WDR27: variants seen among roughly 807,000 people sequenced by gnomAD.
WDR27 encodes the protein WD repeat-containing protein 27.
In WDR27, 100 loss-of-function variants were observed where a neutral mutation model predicts 114.4. The observed-to-expected ratio is 0.87, with a 90% CI of 0.74 to 1.03. WDR27 has a LOEUF of 1.03. Ranked by LOEUF, WDR27 falls within the 50% of genes least tolerant of loss-of-function variation. WDR27 has a pLI of 0.00. For synonymous variants in WDR27, 449 were observed against 423.1 expected (o/e 1.06, Z -0.75); for missense variants, 1,129 against 1,092.9 (o/e 1.03, Z -0.47).
chr6:169,624,290 G>A (rs781041918), intron 21 of WDR27, among the ~76,000 whole-genome samples: 8 of 152,066 alleles, frequency 5.3e-5, no homozygotes, highest in South Asian at 2.1e-4. Context: ...GGTGTGTGGC[G>A]TCAGGTGTGT....
chr6:169,658,297 C>G lies in WDR27; in HGVS notation c.1381G>C (p.Ala461Pro). 2 of 1,601,698 alleles carry G rather than the reference C, an allele frequency of 1.2e-6. No individual in the cohort carries two copies. Among genetic ancestry groups the G allele is most frequent in the Non-Finnish European group, 1.7e-6 (2 of 1,174,454 alleles). The change falls in exon 13 of 26, where the codon GCT becomes CCT. Residue 461 changes from alanine to proline, a missense_variant. Physicochemically the swap from Ala to Pro is conservative, Grantham distance 27 (BLOSUM62 -1). Coordinates refer to ENST00000448612, the MANE Select transcript of WDR27 (RefSeq NM_182552.5). ...LGIAKEKSTK[A>P]ASEQRRAARN... is the part of the protein sequence containing the mutation. ...TGACCACGTCGCTGTTCACTAGCAG[C>G]CTTGGTACTCTTCTCCTTGGCAATT...
intron 25 of WDR27, among the ~76,000 whole-genome samples, chr6:169,477,045 T>C (rs1787275907): frequency 6.6e-6 from 1 of 152,240 alleles, no homozygotes; most frequent in Non-Finnish European, 1.5e-5. Context: ...CTAGATTTCA[T>C]TTTAAATCCT....
chr6:169,506,234 T>A (rs905565675), intron 25 of WDR27, among the ~76,000 whole-genome samples: 24 of 152,232 alleles, frequency 1.6e-4, no homozygotes, highest in African/African-American at 5.8e-4. Context: ...AAAATTGGCA[T>A]AAACATCACA....
rs899591878 is a variant in WDR27 at position 169,673,470 on chromosome 6, A to G, written c.190-1074T>C. Reference sequence around the variant, plus strand: ...CACACACACATATACATATACACACAGAGAGACACACATTTTGAAGGCATC... The same window carrying G: ...CACACACACATATACATATACACACGGAGAGACACACATTTTGAAGGCATC... On this transcript the variant is annotated intron_variant, in intron 2 of 25. Coordinates refer to ENST00000448612, the MANE Select transcript of WDR27 (RefSeq NM_182552.5). 2.6e-5 allele frequency among the ~76,000 whole-genome samples: 4 copies of G among 152,170 alleles called. No homozygotes were observed. In the East Asian group the frequency reaches 7.7e-4, roughly 29 times the overall value.
chr6:169,563,576 C>T (rs1347697541), intron 25 of WDR27, among the ~76,000 whole-genome samples: 3 of 152,174 alleles, frequency 2.0e-5, no homozygotes, highest in East Asian at 1.9e-4. Context: ...AAGGAGGCTG[C>T]GTGGAACTGT....
chr6:169,673,712 G>C lies in WDR27; in HGVS notation c.190-1316C>G, dbSNP rs1585080468. On this transcript the variant is annotated intron_variant, in intron 2 of 25. Coordinates refer to ENST00000448612, the MANE Select transcript of WDR27 (RefSeq NM_182552.5). ...GTGTAATTAAATGAGTCATCCTCAG[G>C]GACACAAACAGAACTATCATATTGG... Among the ~76,000 whole-genome samples, 4 of 151,930 alleles carry C rather than the reference G, an allele frequency of 2.6e-5. No individual in the cohort carries two copies. The South Asian group carries it at 8.3e-4, about 32-fold the overall frequency.
intron 17 of WDR27, among the ~76,000 whole-genome samples, chr6:169,639,045 G>C (rs1017044143): frequency 6.9e-6 from 1 of 145,124 alleles, no homozygotes; most frequent in Non-Finnish European, 1.5e-5. Flanking sequence ...GCGTGGTGCT[G>C]GGTACTGTGT....
Position 169,660,667 on chromosome 6 carries a change from G to T in WDR27, c.1125C>A (p.Tyr375Ter), listed in dbSNP as rs755469838. The change falls in exon 10 of 26, where the codon TAC (tyrosine) becomes TAA (stop). Residue 375 changes from tyrosine (Y) to a stop codon, truncating the protein, a stop_gained. Coordinates refer to ENST00000448612, the MANE Select transcript of WDR27 (RefSeq NM_182552.5). LOFTEE classifies it high-confidence loss of function. ...ANLEVEAALY[Y>*]KDFQSLSILL... is the part of the protein sequence containing the mutation. ...CGTTGAAATCAAAGATCTTACCCTT[G>T]TAATACAAAGCAGCTTCCACTTCCA... 1.2e-5 allele frequency: 20 copies of T among 1,612,672 alleles called. No individual in the cohort carries two copies. Among genetic ancestry groups the T allele is most frequent in the Non-Finnish European group, 1.7e-5 (20 of 1,178,870 alleles).
At chr6:169,626,998 C>T (rs1815023174) in intron 21 of WDR27, among the ~76,000 whole-genome samples, 1 of 152,176 alleles carries the variant, frequency 6.6e-6, no homozygotes, top group African/African-American at 2.4e-5. Context: ...GCACATTTCT[C>T]ATTTCCTGGT....
At chr6:169,652,484 T>C (rs1212478655) in intron 13 of WDR27, among the ~76,000 whole-genome samples, 1 of 152,214 alleles carries the variant, frequency 6.6e-6, no homozygotes. Context: ...CCTGACCTCG[T>C]GATCCACCTG....
At chr6:169,431,228 A>C in the WDR27 span, among the ~76,000 whole-genome samples, 77 of 152,334 alleles carry the variant, frequency 5.1e-4, 1 homozygote, top group South Asian at 1.7e-3. Context: ...CATTGGATAT[A>C]TCAAAGACTG....
chr6:169,491,797 A>T (rs1789801512), intron 25 of WDR27, among the ~76,000 whole-genome samples: 2 of 152,194 alleles, frequency 1.3e-5, no homozygotes, highest in Non-Finnish European at 2.9e-5. Context: ...ACATGGCTAG[A>T]TGTCTAGAAC....
At chr6:169,530,559 A>T (rs1247848388) in intron 25 of WDR27, among the ~76,000 whole-genome samples, 1 of 152,222 alleles carries the variant, frequency 6.6e-6, no homozygotes, top group African/African-American at 2.4e-5. Flanking sequence ...CCTCAACTGT[A>T]TGAAAGCATG....
intron 12 of WDR27, 140 bp from the exon 13 acceptor site, chr6:169,658,498 CTG>C (rs1298726265): frequency 3.1e-6 from 2 of 655,714 alleles, no homozygotes; most frequent in Non-Finnish European, 5.4e-6. Flanking sequence ...AAAATGAAAA[CTG>C]TCAAGTGTAT....
intron 24 of WDR27, among the ~76,000 whole-genome samples, chr6:169,572,790 A>C (rs1436345300): frequency 6.6e-6 from 1 of 152,208 alleles, no homozygotes. Context: ...TCTCAGTAAT[A>C]CTACTTGTTG....
At chr6:169,577,312 G>A (rs1450074752) in intron 24 of WDR27, among the ~76,000 whole-genome samples, 1 of 152,116 alleles carries the variant, frequency 6.6e-6, no homozygotes, top group East Asian at 1.9e-4. Flanking sequence ...CCGAGGAGGG[G>A]GCGTCCGCGC....
At position 169,568,505 on chromosome 6, in the gene WDR27, G is replaced by C. The variant is rs9477991; in HGVS notation, c.2645+3914C>G. ...TCACTACTTCAAGTCACTAAGCTCA[G>C]TAGGGACCTGCAGCTGTGGGAAATA... On this transcript the variant is annotated intron_variant, in intron 25 of 25. Coordinates refer to ENST00000448612, the MANE Select transcript of WDR27 (RefSeq NM_182552.5). 4.7e-3 allele frequency among the ~76,000 whole-genome samples: 716 copies of C among 152,278 alleles called. 5 individuals carry two copies. The highest frequency in any genetic ancestry group is 0.016 in the African/African-American group (661 of 41,546).
chr6:169,663,077 C>T (rs529100875), intron 8 of WDR27, among the ~76,000 whole-genome samples: 4 of 151,994 alleles, frequency 2.6e-5, no homozygotes, highest in Admixed American at 6.5e-5. Context: ...ACTCAGATCA[C>T]GCATCGAGGA....
intron 25 of WDR27, among the ~76,000 whole-genome samples, chr6:169,536,281 A>G (rs943060542): frequency 2.0e-5 from 3 of 152,214 alleles, no homozygotes; most frequent in Non-Finnish European, 4.4e-5. Flanking sequence ...TGAGCCTTGC[A>G]TAACAGCAAG....
Sources: allele counts gnomAD v4.1 joint callset (sites outside exome capture counted in the v4.1 genomes callset), GRCh38; gene constraint gnomAD v4.1.1; transcripts MANE v1.5; gene names NCBI Gene and HGNC (gene_info 2026-07-23, HGNC 2026-07-21).